The following ST8SIA5 variants were observed in gnomAD, a reference collection of about 807,000 sequenced individuals.
The protein encoded by ST8SIA5 is alpha-2,8-sialyltransferase 8E.
A neutral mutation model predicts 40.2 loss-of-function variants in ST8SIA5; 24 were observed. The observed-to-expected ratio is 0.60, with a 90% CI of 0.43 to 0.84. The LOEUF (loss-of-function observed/expected upper bound fraction) is 0.84, where lower values mean the gene tolerates loss of function less well. Among genes scored for constraint, ST8SIA5 ranks in the 40% least tolerant of loss-of-function variants. The pLI is 0.00. For missense variants in ST8SIA5, 465 were observed against 498.5 expected (o/e 0.93, Z 0.64); for synonymous variants, 198 against 201.8 (o/e 0.98, Z 0.16).
At chr18:46,726,620 G>T (rs920992234) in intron 1 of ST8SIA5, among the ~76,000 whole-genome samples, 1 of 137,128 alleles carries the variant, frequency 7.3e-6, no homozygotes, top group Non-Finnish European at 1.6e-5. Context: ...AAAAATACAC[G>T]TTAAAATAAT....
intron 1 of ST8SIA5, among the ~76,000 whole-genome samples, chr18:46,711,514 G>C (rs114889591): frequency 2.0e-5 from 3 of 152,242 alleles, no homozygotes; most frequent in African/African-American, 7.2e-5. Flanking sequence ...GACAGCCATC[G>C]TTCTCTGGGG....
chr18:46,680,459 C>T lies in ST8SIA5; in HGVS notation c.714G>A (p.Val238=). Residue 238 remains valine, a synonymous_variant, in exon 7 of 7, where the codon GTG becomes GTA. Transcript: ENST00000315087. ...WRRPFYRVLQ[V]YENASVLLPA... ...GCAGCAGCACCGACGCGTTCTCGTA[C>T]ACCTGCAGCACGCGATAGAACGGCC... The T allele has an allele frequency of 3.1e-6, 5 of 1,606,864 alleles. No homozygotes were observed. Among genetic ancestry groups the T allele is most frequent in the Non-Finnish European group, 4.3e-6 (5 of 1,176,130 alleles).
At chr18:46,753,812 C>G (rs748010471) in intron 1 of ST8SIA5, among the ~76,000 whole-genome samples, 3 of 152,068 alleles carry the variant, frequency 2.0e-5, no homozygotes, top group Admixed American at 2.0e-4. Context: ...AACATTGCCA[C>G]GGGGAATAGG....
chr18:46,681,003 GCT>G (rs10531565), intron 6 of ST8SIA5, among the ~76,000 whole-genome samples: 36,600 of 152,064 alleles, frequency 0.24, 4,915 homozygotes, highest in Middle Eastern at 0.41. Flanking sequence ...ACACGGTCTT[GCT>G]CTGTCATCCA....
chr18:46,685,191 T>C (rs977754622), intron 5 of ST8SIA5, among the ~76,000 whole-genome samples: 1 of 152,218 alleles, frequency 6.6e-6, no homozygotes. Context: ...TGCTGGAGCC[T>C]GGATCAAAGT....
intron 1 of ST8SIA5, among the ~76,000 whole-genome samples, chr18:46,732,236 G>C (rs72903329): frequency 0.045 from 6,877 of 152,320 alleles, 261 homozygotes; most frequent in South Asian, 0.17. Flanking sequence ...CTGTGAGGGA[G>C]AGAGGTAGAG....
At chr18:46,697,847 C>T (rs893676351) in intron 2 of ST8SIA5, among the ~76,000 whole-genome samples, 11 of 151,954 alleles carry the variant, frequency 7.2e-5, no homozygotes, top group Admixed American at 3.9e-4. Flanking sequence ...GACACAAACT[C>T]CAAATAAAAA....
chr18:46,731,947 G>C (rs1388636051), intron 1 of ST8SIA5: 3 of 152,092 alleles, frequency 2.0e-5, no homozygotes, highest in Non-Finnish European at 4.4e-5. Flanking sequence ...GGGCATGAGG[G>C]GCCCAGACAG....
chr18:46,680,810 C>T (rs2039386896), intron 6 of ST8SIA5, among the ~76,000 whole-genome samples: 1 of 152,188 alleles, frequency 6.6e-6, no homozygotes, highest in African/African-American at 2.4e-5. Flanking sequence ...AAGGGAGGCT[C>T]AGAAGGGAAG....
chr18:46,677,802 C>A lies in ST8SIA5; in HGVS notation c.*2240G>T, dbSNP rs542422455. On this transcript the variant is annotated 3_prime_UTR_variant, in exon 7 of 7. Transcript: ENST00000315087. ...TGATGTCTGTGTCACCAGGGAGCCT[C>A]CCCCAAACACTGCCCATCTGGAACA... The A allele has an allele frequency of 6.6e-6, 1 of 152,226 alleles. No homozygotes were observed. The highest frequency in any genetic ancestry group is 2.4e-5 in the African/African-American group (1 of 41,458). 9.4% of individuals were successfully genotyped at this position (152,226 alleles called of 1,614,324 possible). A position where few individuals can be genotyped will look rare whatever the true frequency, so the allele number is the denominator to read the frequency against.
intron 1 of ST8SIA5, among the ~76,000 whole-genome samples, chr18:46,723,615 G>C (rs1458997601): frequency 6.6e-6 from 1 of 151,584 alleles, no homozygotes; most frequent in Non-Finnish European, 1.5e-5. Flanking sequence ...AAGAATGCAG[G>C]GGGAAAAAGA....
chr18:46,703,137 T>A (rs553430768), intron 2 of ST8SIA5, among the ~76,000 whole-genome samples: 29 of 152,186 alleles, frequency 1.9e-4, no homozygotes, highest in Non-Finnish European at 3.8e-4. Context: ...CTACTTTCTT[T>A]TTTTATTTTA....
At chr18:46,744,136 C>T (rs1404034458) in intron 1 of ST8SIA5, among the ~76,000 whole-genome samples, 2 of 152,208 alleles carry the variant, frequency 1.3e-5, no homozygotes, top group Non-Finnish European at 2.9e-5. Context: ...ACCATCGATG[C>T]TATGAAGAAA....
chr18:46,736,756 A>T (rs9675544), intron 1 of ST8SIA5, among the ~76,000 whole-genome samples: 1 of 151,914 alleles, frequency 6.6e-6, no homozygotes, highest in African/African-American at 2.4e-5. Context: ...AATCAGATGG[A>T]ATACCAGGCT....
intron 1 of ST8SIA5, among the ~76,000 whole-genome samples, chr18:46,712,227 C>T (rs761212368): frequency 2.8e-4 from 42 of 152,198 alleles, no homozygotes; most frequent in Non-Finnish European, 5.3e-4. Context: ...GCCAGGAATG[C>T]CTCAGTGTGT....
At chr18:46,702,072 G>C (rs902935670) in intron 2 of ST8SIA5, among the ~76,000 whole-genome samples, 1 of 151,624 alleles carries the variant, frequency 6.6e-6, no homozygotes, top group East Asian at 1.9e-4. Flanking sequence ...GCTTGAACCC[G>C]GGCGACAGAG....
chr18:46,724,740 G>A (rs1041522297), intron 1 of ST8SIA5, among the ~76,000 whole-genome samples: 1 of 152,096 alleles, frequency 6.6e-6, no homozygotes, highest in Admixed American at 6.6e-5. Context: ...TTGGGAAACC[G>A]AGGTGGGTGG....
chr18:46,750,680 G>A (rs140280923), intron 1 of ST8SIA5, among the ~76,000 whole-genome samples: 4 of 152,116 alleles, frequency 2.6e-5, no homozygotes, highest in Admixed American at 6.5e-5. Context: ...TGACGCCCTC[G>A]TCCCTTGGTT....
chr18:46,754,463 G>A (rs560418849), intron 1 of ST8SIA5, among the ~76,000 whole-genome samples: 107 of 152,188 alleles, frequency 7.0e-4, no homozygotes, highest in African/African-American at 2.5e-3. Context: ...AATAGACTTC[G>A]AGTCCTCTGA....
Sources: allele counts gnomAD v4.1 joint callset (sites outside exome capture counted in the v4.1 genomes callset), GRCh38; gene constraint gnomAD v4.1.1; transcripts MANE v1.5; gene names NCBI Gene and HGNC (gene_info 2026-07-23, HGNC 2026-07-21).